The following TCF12 variants were observed in gnomAD, a reference collection of about 807,000 sequenced individuals.
TCF12 encodes the protein DNA-binding protein HTF4.
Under a neutral mutation model 86.0 loss-of-function variants are expected in TCF12, and 45 were observed. The ratio of observed to expected loss-of-function variants is 0.52; its 90% CI spans 0.41 to 0.67. TCF12 has a LOEUF of 0.67. Ranked by LOEUF, TCF12 falls within the 30% of genes least tolerant of loss-of-function variation. The pLI is 0.00. For synonymous variants in TCF12, 330 were observed against 299.6 expected, an observed-to-expected ratio of 1.10 and a Z score of -1.05; for missense variants, 881 against 859.9, an observed-to-expected ratio of 1.02 and a Z score of -0.31.
At chr15:57,197,607 T>C (rs1273375080) in intron 7 of TCF12, among the ~76,000 whole-genome samples, 166 bp from the exon 8 acceptor site, 1 of 152,246 alleles carries the variant, frequency 6.6e-6, no homozygotes, top group Non-Finnish European at 1.5e-5. Flanking sequence ...TGTTTTTCAC[T>C]GGGACTAGTT....
In TCF12 at chr15:56,931,050, T is replaced by TCTC. The variant is rs769832696; in HGVS notation, c.148+9962_148+9964dup. On this transcript the variant is annotated intron_variant, in intron 3 of 20. Coordinates refer to ENST00000333725, the MANE Select transcript of TCF12 (RefSeq NM_207037.2). ...TATTATGGAGATCTGTCTCTCTCTC[T>TCTC]CTCCTCCTCCTCTCCCTCGTTCCTT... 4.6e-5 allele frequency among the ~76,000 whole-genome samples: 7 copies of TCTC among 152,170 alleles called. No homozygotes were observed. The East Asian group carries it at 1.2e-3, about 25-fold the overall frequency.
intron 13 of TCF12, chr15:57,246,896 C>G: frequency 2.1e-6 from 1 of 470,768 alleles, no homozygotes; most frequent in South Asian, 1.6e-5. Context: ...AAGTAACCTA[C>G]AGCTTTCCTG....
chr15:57,219,217 T>C (rs1890330317), intron 8 of TCF12: 1 of 1,107,280 alleles, frequency 9.0e-7, no homozygotes, highest in African/African-American at 1.6e-5. Flanking sequence ...GGGTTATTTT[T>C]ATTCAGGGCA....
intron 3 of TCF12, among the ~76,000 whole-genome samples, chr15:57,046,123 C>T (rs537741358): frequency 1.2e-4 from 19 of 152,296 alleles, no homozygotes; most frequent in Admixed American, 3.3e-4. Flanking sequence ...TGTACTTAAA[C>T]GCCTTACCAA....
intron 3 of TCF12, among the ~76,000 whole-genome samples, chr15:56,939,967 G>GT (rs67832685): frequency 0.032 from 3,312 of 104,506 alleles, 108 homozygotes; most frequent in African/African-American, 0.049. Context: ...TTAATAGCGT[G>GT]TTTTTTTTTT....
chr15:57,165,134 C>CTGTCTGTGTG (rs1555524380), intron 5 of TCF12, among the ~76,000 whole-genome samples: 9 of 147,128 alleles, frequency 6.1e-5, no homozygotes, highest in Admixed American at 5.4e-4. Flanking sequence ...GAATGTATGT[C>CTGTCTGTGTG]TGTGTGTGTG....
At chr15:56,927,401 T>C (rs1291881802) in intron 3 of TCF12, among the ~76,000 whole-genome samples, 2 of 152,216 alleles carry the variant, frequency 1.3e-5, no homozygotes, top group African/African-American at 4.8e-5. Flanking sequence ...CCTTTTTGTC[T>C]TTTTTTCTTA....
rs531171614 is a variant in TCF12, at chr15:57,103,921, T to C, written c.325+12030T>C. On this transcript the variant is annotated intron_variant, in intron 5 of 20. Transcript: ENST00000333725. ...TACTCAGGAGGCTGAGGTGGGAGAA[T>C]TGCTTGAACCCGGGAGGTGGAGGTT... 1.6e-4 allele frequency among the ~76,000 whole-genome samples: 25 copies of C among 152,192 alleles called. No individual in the cohort carries two copies. In the South Asian group the frequency reaches 5.2e-3, roughly 32 times the overall value.
chr15:57,082,639 C>A (rs1020418297), intron 4 of TCF12, among the ~76,000 whole-genome samples: 7 of 152,174 alleles, frequency 4.6e-5, no homozygotes, highest in Non-Finnish European at 7.4e-5. Flanking sequence ...ATACAACTTA[C>A]AAGGGGATTT....
intron 3 of TCF12, among the ~76,000 whole-genome samples, chr15:57,048,238 TTTTG>T (rs528115373): frequency 1.3e-3 from 197 of 151,886 alleles, no homozygotes; most frequent in Non-Finnish European, 1.8e-3. Flanking sequence ...CCTGAAGTTT[TTTTG>T]TTTGTTTGTT....
At chr15:57,188,635 C>G (rs532853221) in intron 6 of TCF12, among the ~76,000 whole-genome samples, 1 of 152,152 alleles carries the variant, frequency 6.6e-6, no homozygotes, top group African/African-American at 2.4e-5. Flanking sequence ...AGAAGTAAAC[C>G]TAAACATCTA....
At chr15:56,948,799 CT>C (rs2061131197) in intron 3 of TCF12, among the ~76,000 whole-genome samples, 4 of 152,214 alleles carry the variant, frequency 2.6e-5, no homozygotes. Flanking sequence ...ACATCTTCCA[CT>C]TTCACTCATC....
rs150548541 is a variant in TCF12, at chr15:57,140,591, G to A, written c.326-25811G>A. Among the ~76,000 whole-genome samples, 293 of 152,216 alleles carry A rather than the reference G, an allele frequency of 1.9e-3. 3 individuals are homozygous for A. The highest frequency in any genetic ancestry group is 2.3e-3 in the African/African-American group (95 of 41,538). On this transcript the variant is annotated intron_variant, in intron 5 of 20. Transcript: ENST00000333725. ...AATAGTAAAGCCTTCCATCACTTAG[G>A]GCTTGCTGATTACAAAGTGCCGTGT... is the stretch of plus-strand genomic sequence containing the variant.
intron 16 of TCF12, among the ~76,000 whole-genome samples, chr15:57,258,960 T>C (rs2060467627): frequency 6.6e-6 from 1 of 152,188 alleles, no homozygotes. Context: ...TATTTAATTT[T>C]AGTAATGGGG....
intron 8 of TCF12, among the ~76,000 whole-genome samples, chr15:57,207,228 C>G (rs1171255346): frequency 6.6e-6 from 1 of 152,120 alleles, no homozygotes; most frequent in Non-Finnish European, 1.5e-5. Context: ...TGTTTCTGGT[C>G]TAAACATAAA....
intron 4 of TCF12, among the ~76,000 whole-genome samples, chr15:57,066,323 T>G (rs1384644861): frequency 6.6e-6 from 1 of 152,172 alleles, no homozygotes; most frequent in African/African-American, 2.4e-5. Flanking sequence ...TTGAATTTCT[T>G]AAATTCTTAT....
At chr15:57,105,632 G>T (rs1022014008) in intron 5 of TCF12, among the ~76,000 whole-genome samples, 4 of 151,980 alleles carry the variant, frequency 2.6e-5, no homozygotes, top group African/African-American at 9.7e-5. Flanking sequence ...GGCTGGCCTC[G>T]AACTCCTGAC....
At chr15:57,011,405 T>G (rs2064822856) in intron 3 of TCF12, among the ~76,000 whole-genome samples, 1 of 152,086 alleles carries the variant, frequency 6.6e-6, no homozygotes, top group South Asian at 2.1e-4. Context: ...TCTATCATGA[T>G]TGTAAGCCTC....
intron 5 of TCF12, among the ~76,000 whole-genome samples, chr15:57,107,823 G>T (rs976014855): frequency 6.6e-6 from 1 of 152,110 alleles, no homozygotes; most frequent in African/African-American, 2.4e-5. Flanking sequence ...TTGGAGAATC[G>T]CTTAAGCCCA....
Sources: gnomAD v4.1 joint callset for allele counts (sites outside exome capture counted in the v4.1 genomes callset) on GRCh38, gnomAD v4.1.1 for gene constraint, MANE v1.5 for transcripts, NCBI Gene and HGNC (gene_info 2026-07-23, HGNC 2026-07-21) for gene names.